Variants in CAMSAP2 observed in about 807,000 individuals in gnomAD.
CAMSAP2 encodes calmodulin-regulated spectrin-associated protein 2.
Under a neutral mutation model 146.1 loss-of-function variants are expected in CAMSAP2, and 26 were observed. That is an observed-to-expected ratio of 0.18 (90% CI 0.13 to 0.25). The LOEUF (loss-of-function observed/expected upper bound fraction) is 0.25. Ranked by LOEUF, CAMSAP2 falls within the 10% of genes least tolerant of loss-of-function variation. CAMSAP2 has a pLI of 1.00. For missense variants in CAMSAP2, 1,381 were observed against 1,759.3 expected (o/e 0.78, Z 3.85); for synonymous variants, 499 against 596.6 (o/e 0.84, Z 2.38).
chr1:200,763,184 G>C (rs921208013), intron 2 of CAMSAP2, among the ~76,000 whole-genome samples: 1 of 152,086 alleles, frequency 6.6e-6, no homozygotes, highest in African/African-American at 2.4e-5. Context: ...ACAGGTGCAC[G>C]GCATGGGCAA....
At chr1:200,771,992 A>G (rs1428492976) in intron 2 of CAMSAP2, among the ~76,000 whole-genome samples, 1 of 152,178 alleles carries the variant, frequency 6.6e-6, no homozygotes, top group African/African-American at 2.4e-5. Context: ...CAATAAATAA[A>G]TAAAAAGCCA....
At chr1:200,817,280 A>T (rs557107139) in intron 4 of CAMSAP2, among the ~76,000 whole-genome samples, 4 of 148,044 alleles carry the variant, frequency 2.7e-5, no homozygotes, top group South Asian at 2.1e-4. Context: ...ATATATATAT[A>T]TTTTCCCAGA....
intron 2 of CAMSAP2, among the ~76,000 whole-genome samples, chr1:200,782,782 CTTTTTTTTTTTTT>C (rs57995961): frequency 6.1e-4 from 44 of 72,246 alleles, no homozygotes; most frequent in Admixed American, 5.5e-3. Context: ...TCATTTCTCT[CTTTTTTTTTTTTT>C]TTTTTTTTTT....
At chr1:200,835,383 G>A (rs1667159424) in intron 6 of CAMSAP2, among the ~76,000 whole-genome samples, 1 of 152,172 alleles carries the variant, frequency 6.6e-6, no homozygotes, top group Non-Finnish European at 1.5e-5. Flanking sequence ...AAATATTTTA[G>A]CGAGAGACTA....
At chr1:200,844,659 A>G (rs1667415054) in intron 7 of CAMSAP2, 123 bp from the exon 8 acceptor site, 1 of 484,956 alleles carries the variant, frequency 2.1e-6, no homozygotes, top group Non-Finnish European at 3.7e-6. Flanking sequence ...ACTTTATGCT[A>G]TGATTTCTCA....
At position 200,832,150 on chromosome 1, in the gene CAMSAP2, A is replaced by T. The variant is rs763162531; in HGVS notation, c.646-50A>T. The stretch of plus-strand genomic sequence containing the variant: ...AATTTACAGTACTGATTTTTTTCCT[A>T]TGCGTTATTTGGTACTTATTTATTT... On this transcript the variant is annotated intron_variant, in intron 4 of 16. Coordinates refer to ENST00000358823, the MANE Select transcript of CAMSAP2 (RefSeq NM_203459.4). The surrounding 1 kb of genome is among the most constrained non-coding windows in gnomAD (Gnocchi z 4.2). The T allele has an allele frequency of 7.5e-6, 11 of 1,466,066 alleles. No homozygotes were observed. The East Asian group carries it at 2.3e-4, about 31-fold the overall frequency. The allele number at this position is 1,466,066 out of a possible 1,614,324, so 90.8% of individuals were successfully genotyped here.
rs1189438929 is a variant in CAMSAP2 at position 200,761,041 on chromosome 1, C to G, written c.342C>G (p.Val114=). 1 of 1,613,984 alleles carries G rather than the reference C, an allele frequency of 6.2e-7. No homozygotes were observed. The highest frequency in any genetic ancestry group is 1.7e-5 in the Admixed American group (1 of 60,018). ...IQALAQKGLY[V]TDQEKLVTER... is the part of the protein sequence containing the mutation. ...CTTTAGCACAGAAAGGTCTTTATGT[C>G]ACTGACCAGGAAAAATTGGTAACTG... is the stretch of plus-strand genomic sequence containing the variant. Residue 114 remains valine (V), a synonymous_variant, in exon 2 of 17, where the codon GTC becomes GTG. Coordinates refer to ENST00000358823, the MANE Select transcript of CAMSAP2 (RefSeq NM_203459.4).
At chr1:200,839,631 A>C (rs934784405) in intron 6 of CAMSAP2, among the ~76,000 whole-genome samples, 1 of 152,222 alleles carries the variant, frequency 6.6e-6, no homozygotes, top group Admixed American at 6.5e-5. Flanking sequence ...GTTCTCACTC[A>C]TAAGTGGGAG....
chr1:200,769,202 C>T (rs939978514), intron 2 of CAMSAP2, among the ~76,000 whole-genome samples: 1 of 152,114 alleles, frequency 6.6e-6, no homozygotes, highest in Admixed American at 6.5e-5. Flanking sequence ...TGCTTTTGAA[C>T]TCTTGTATTT....
Position 200,832,820 on chromosome 1 carries a change from T to C in CAMSAP2, c.902T>C (p.Met301Thr). 1 of 1,599,338 alleles carries C rather than the reference T, an allele frequency of 6.3e-7. No individual in the cohort carries two copies. Among genetic ancestry groups the C allele is most frequent in the Non-Finnish European group, 8.5e-7 (1 of 1,174,654 alleles). ...TGTTGCCATTTCACTCTGGAAGATA[T>C]GCTCTATGCTGCTTCATCCATAAAG... ...NQCCHFTLED[M>T]LYAASSIKSN... is the part of the protein sequence containing the mutation. The change falls in exon 6 of 17, where the codon ATG becomes ACG. Residue 301 changes from methionine to threonine, a missense_variant. Transcript: ENST00000358823. The surrounding 1 kb of genome is among the most constrained non-coding windows in gnomAD (Gnocchi z 4.2).
At chr1:200,746,085 AG>A (rs1416667135) in intron 1 of CAMSAP2, among the ~76,000 whole-genome samples, 1 of 152,252 alleles carries the variant, frequency 6.6e-6, no homozygotes, top group Non-Finnish European at 1.5e-5. Flanking sequence ...TGAAATCATC[AG>A]AAGATTTGTT....
At chr1:200,791,552 GC>G (rs1241970086) in intron 2 of CAMSAP2, among the ~76,000 whole-genome samples, 1 of 151,952 alleles carries the variant, frequency 6.6e-6, no homozygotes, top group Non-Finnish European at 1.5e-5. Flanking sequence ...TTTTTTTAAG[GC>G]CTTTTTTCTT....
intron 12 of CAMSAP2, 138 bp downstream of exon 12, chr1:200,852,815 T>C: frequency 1.1e-6 from 1 of 882,166 alleles, no homozygotes; most frequent in Admixed American, 3.5e-5. Flanking sequence ...AAGTTTGTAG[T>C]ATAGATAGAC....
intron 3 of CAMSAP2, among the ~76,000 whole-genome samples, chr1:200,811,466 G>C (rs145118663): frequency 9.4e-4 from 143 of 152,230 alleles, no homozygotes; most frequent in African/African-American, 3.4e-3. Context: ...TTTTCTCCTT[G>C]AGTTCTAGTC....
At chr1:200,740,004 G>C (rs1037351640) in intron 1 of CAMSAP2, 38 bp downstream of exon 1, 1 of 1,606,666 alleles carries the variant, frequency 6.2e-7, no homozygotes, top group Non-Finnish European at 8.5e-7. Context: ...TCTTCCTCCT[G>C]ATGTGGTCCA....
chr1:200,784,201 C>T (rs1665522427), intron 2 of CAMSAP2, among the ~76,000 whole-genome samples: 1 of 151,992 alleles, frequency 6.6e-6, no homozygotes, highest in Non-Finnish European at 1.5e-5. Context: ...AGTCTTGAAA[C>T]TTGTTAGTGT....
At chr1:200,808,499 A>G (rs908851500) in intron 3 of CAMSAP2, among the ~76,000 whole-genome samples, 1 of 152,354 alleles carries the variant, frequency 6.6e-6, no homozygotes, top group Admixed American at 6.5e-5. Context: ...CTAAATGTAA[A>G]AAACACTATT....
intron 2 of CAMSAP2, among the ~76,000 whole-genome samples, chr1:200,801,341 G>A (rs1281190512): frequency 4.6e-5 from 7 of 151,998 alleles, no homozygotes; most frequent in South Asian, 4.2e-4. Context: ...GTAGAGATCC[G>A]CTGTTAATCT....
At chr1:200,811,621 T>A (rs1456126344) in intron 3 of CAMSAP2, among the ~76,000 whole-genome samples, 2 of 152,214 alleles carry the variant, frequency 1.3e-5, no homozygotes, top group African/African-American at 4.8e-5. Context: ...TTATATATTT[T>A]GTCCAGAGTT....
Sources: allele counts gnomAD v4.1 joint callset (sites outside exome capture counted in the v4.1 genomes callset), GRCh38; gene constraint gnomAD v4.1.1; non-coding constraint Gnocchi (gnomAD v3.1); transcripts MANE v1.5; gene names NCBI Gene and HGNC (gene_info 2026-07-23, HGNC 2026-07-21).